MCPH1: variants seen among roughly 807,000 people sequenced by gnomAD.
MCPH1 encodes microcephalin.
A neutral mutation model predicts 84.5 loss-of-function variants in MCPH1; 104 were observed. The ratio of observed to expected loss-of-function variants is 1.23; its 90% CI spans 1.05 to 1.45. The LOEUF (loss-of-function observed/expected upper bound fraction) is 1.45, where lower values mean the gene tolerates loss of function less well. MCPH1 is among the 40% of genes most tolerant of loss of function. The pLI is 0.00. For synonymous variants in MCPH1, 514 were observed against 366.8 expected (o/e 1.40, Z -4.58); for missense variants, 1,498 against 1,005.7 (o/e 1.49, Z -6.62).
chr8:6,462,040 C>T (rs1167453486), intron 9 of MCPH1, among the ~76,000 whole-genome samples: 2 of 152,134 alleles, frequency 1.3e-5, no homozygotes, highest in African/African-American at 2.4e-5. Context: ...TCTGCCAATC[C>T]AGCTTGTTGC....
chr8:6,483,555 A>T (rs1338435018), intron 11 of MCPH1, among the ~76,000 whole-genome samples: 1 of 152,200 alleles, frequency 6.6e-6, no homozygotes, highest in African/African-American at 2.4e-5. Context: ...TCAGTGGAGA[A>T]ATTCAGTCTT....
At chr8:6,429,301 T>G (rs17076838) in intron 3 of MCPH1, among the ~76,000 whole-genome samples, 1 of 152,182 alleles carries the variant, frequency 6.6e-6, no homozygotes, top group Admixed American at 6.5e-5. Flanking sequence ...ATGGACCCAG[T>G]GCCCCCATTG....
At chr8:6,621,769 C>T in intron 13 of MCPH1, 78 bp downstream of exon 13, 1 of 1,592,634 alleles carries the variant, frequency 6.3e-7, no homozygotes, top group African/African-American at 1.3e-5. Context: ...GCGTCAGGCT[C>T]ACACCCCCTT....
At chr8:6,597,445 G>C (rs1016031512) in intron 12 of MCPH1, among the ~76,000 whole-genome samples, 1 of 152,168 alleles carries the variant, frequency 6.6e-6, no homozygotes, top group Non-Finnish European at 1.5e-5. Flanking sequence ...CTTGTAAGAT[G>C]AATTTTATGT....
chr8:6,593,081 G>GTT (rs377256909), intron 12 of MCPH1, among the ~76,000 whole-genome samples: 14,492 of 121,684 alleles, frequency 0.12, 1,136 homozygotes, highest in South Asian at 0.17. Flanking sequence ...TTAGGGTGTG[G>GTT]TTTTTTTTTT....
intron 12 of MCPH1, among the ~76,000 whole-genome samples, chr8:6,553,043 C>A (rs1823939826): frequency 6.6e-6 from 1 of 152,128 alleles, no homozygotes; most frequent in Non-Finnish European, 1.5e-5. Context: ...TCCATGGCTT[C>A]ATACATTGGT....
intron 12 of MCPH1, chr8:6,514,916 A>G: frequency 1.6e-6 from 1 of 642,582 alleles, no homozygotes; most frequent in Non-Finnish European, 2.8e-6. Flanking sequence ...GGAGTAGACC[A>G]TCGGGGTTGT....
chr8:6,444,660 C>G lies in MCPH1; in HGVS notation c.938C>G (p.Pro313Arg), dbSNP rs758259340. 6.2e-7 allele frequency: 1 copy of G among 1,614,056 alleles called. No individual in the cohort carries two copies. The highest frequency in any genetic ancestry group is 1.3e-5 in the African/African-American group (1 of 75,036). Reference protein sequence around the residue: ...QRNIAGKVVTPDQKQAAGMSQ... With the variant: ...QRNIAGKVVTRDQKQAAGMSQ... Reference sequence around the variant, plus strand: ...AATATTGCAGGTAAAGTAGTCACCCCTGACCAAAAGCAGGCTGCAGGTATG... The same window carrying G: ...AATATTGCAGGTAAAGTAGTCACCCGTGACCAAAAGCAGGCTGCAGGTATG... Residue 313 changes from proline to arginine, a missense_variant, in exon 8 of 14, where the codon CCT becomes CGT. Coordinates refer to ENST00000344683, the MANE Select transcript of MCPH1 (RefSeq NM_024596.5).
intron 4 of MCPH1, among the ~76,000 whole-genome samples, chr8:6,432,917 A>G (rs137892235): frequency 6.6e-6 from 1 of 152,328 alleles, no homozygotes; most frequent in African/African-American, 2.4e-5. Flanking sequence ...GTAAACACAG[A>G]CATCTCTTTG....
chr8:6,589,657 T>C (rs1205516290), intron 12 of MCPH1, among the ~76,000 whole-genome samples: 7 of 152,266 alleles, frequency 4.6e-5, no homozygotes, highest in Non-Finnish European at 8.8e-5. Flanking sequence ...AACTGTGCTC[T>C]GAGATGAGAA....
intron 12 of MCPH1, chr8:6,500,307 A>T (rs771768842): frequency 5.3e-6 from 1 of 187,214 alleles, no homozygotes; most frequent in African/African-American, 2.4e-5. Context: ...GTGCTGTGAT[A>T]ACAGTATTTA....
At chr8:6,453,633 C>T (rs1326558424) in intron 8 of MCPH1, among the ~76,000 whole-genome samples, 1 of 152,100 alleles carries the variant, frequency 6.6e-6, no homozygotes, top group Non-Finnish European at 1.5e-5. Flanking sequence ...CCGATTTTGA[C>T]ACACTCATGC....
intron 10 of MCPH1, among the ~76,000 whole-genome samples, chr8:6,478,027 T>G (rs2515591): frequency 6.6e-6 from 1 of 152,194 alleles, no homozygotes; most frequent in Non-Finnish European, 1.5e-5. Flanking sequence ...GTGGAAGGGT[T>G]AATAGCTTGT....
intron 12 of MCPH1, among the ~76,000 whole-genome samples, chr8:6,516,543 C>T (rs542555787): frequency 6.6e-6 from 1 of 152,272 alleles, no homozygotes; most frequent in Admixed American, 6.5e-5. Context: ...TAAATCAGTT[C>T]ATGAATAATA....
In MCPH1 at chr8:6,468,646, GTTT is replaced by G. The variant is rs57281899; in HGVS notation, c.1936-8935_1936-8933del. 9.5e-3 allele frequency among the ~76,000 whole-genome samples: 1,261 copies of G among 132,882 alleles called. 25 individuals carry two copies. The highest frequency in any genetic ancestry group is 0.031 in the African/African-American group (1,171 of 37,470). The allele number at this position is 132,882 out of a possible 152,430, so 87.2% of individuals were successfully genotyped here. A position where few individuals can be genotyped will look rare whatever the true frequency, so the allele number is the denominator to read the frequency against. ...AACTACTTGGATGTACATTTTTTTGGTTTTTTTTTTTTTTTGCTATGAAAATTA... is the reference window on the plus strand; with the variant it reads ...AACTACTTGGATGTACATTTTTTTGGTTTTTTTTTTTTGCTATGAAAATTA... On this transcript the variant is annotated intron_variant, in intron 9 of 13. Coordinates refer to ENST00000344683, the MANE Select transcript of MCPH1 (RefSeq NM_024596.5).
intron 12 of MCPH1, among the ~76,000 whole-genome samples, chr8:6,548,151 C>A (rs1292912337): frequency 1.3e-5 from 2 of 152,152 alleles, no homozygotes; most frequent in Non-Finnish European, 1.5e-5. Context: ...GTTGGTTCCA[C>A]TGGAATCTTG....
chr8:6,556,760 C>T (rs958365307), intron 12 of MCPH1, among the ~76,000 whole-genome samples: 2 of 152,058 alleles, frequency 1.3e-5, no homozygotes, highest in South Asian at 2.1e-4. Flanking sequence ...ACCACAGCTG[C>T]GTGCCATTGT....
intron 12 of MCPH1, among the ~76,000 whole-genome samples, chr8:6,533,576 T>TTC (rs1483872394): frequency 2.4e-5 from 3 of 124,240 alleles, no homozygotes; most frequent in African/African-American, 6.5e-5. Flanking sequence ...TTTCTTTTTT[T>TTC]TTTTTTTTTT....
At chr8:6,559,263 A>G (rs539006679) in intron 12 of MCPH1, among the ~76,000 whole-genome samples, 1 of 151,936 alleles carries the variant, frequency 6.6e-6, no homozygotes, top group East Asian at 1.9e-4. Flanking sequence ...ACACACACAG[A>G]GTCCCTAGCA....
Sources: allele counts gnomAD v4.1 joint callset (sites outside exome capture counted in the v4.1 genomes callset), GRCh38; gene constraint gnomAD v4.1.1; transcripts MANE v1.5; gene names NCBI Gene and HGNC (gene_info 2026-07-23, HGNC 2026-07-21).